Variants in NDUFAF7 observed in about 807,000 individuals in gnomAD.
NDUFAF7 encodes the protein protein arginine methyltransferase NDUFAF7, mitochondrial.
In NDUFAF7, 48 loss-of-function variants were observed where a neutral mutation model predicts 47.2. The ratio of observed to expected loss-of-function variants is 1.02; its 90% CI spans 0.81 to 1.29. The LOEUF (loss-of-function observed/expected upper bound fraction) is 1.29, where lower values mean the gene tolerates loss of function less well. NDUFAF7 is among the 50% of genes most tolerant of loss of function. The pLI, the probability that NDUFAF7 is intolerant of heterozygous loss-of-function variation, is 0.00. For synonymous variants in NDUFAF7, 217 were observed against 190.0 expected, an observed-to-expected ratio of 1.14 and a Z score of -1.17; for missense variants, 635 against 537.6, an observed-to-expected ratio of 1.18 and a Z score of -1.79.
chr2:37,243,485 T>C lies in NDUFAF7; in HGVS notation c.682-378T>C, dbSNP rs191995559. ...AATAATAAAACTTTTCTTCATTCTT[T>C]CTGTGAGGAGATTTAAGATTTGGTG... On this transcript the variant is annotated intron_variant, in intron 6 of 9. Transcript: ENST00000002125. Among the ~76,000 whole-genome samples the C allele has an allele frequency of 2.5e-3, 378 of 152,268 alleles. 2 individuals are homozygous for C. Among genetic ancestry groups the C allele is most frequent in the Non-Finnish European group, 3.7e-3 (254 of 67,998 alleles).
the NDUFAF7 span, among the ~76,000 whole-genome samples, chr2:37,266,300 G>T: frequency 6.6e-6 from 1 of 152,148 alleles, no homozygotes; most frequent in Non-Finnish European, 1.5e-5. Context: ...TTCACCCAAA[G>T]CAAATGGGGC....
At chr2:37,250,001 G>A (rs1218682487), downstream of NDUFAF7, among the ~76,000 whole-genome samples, 3 of 150,174 alleles carry the variant, frequency 2.0e-5, no homozygotes, top group Non-Finnish European at 4.4e-5. Flanking sequence ...ACACAAATAT[G>A]TAAGCTTTCT....
At chr2:37,235,470 G>A (rs1050503281) in intron 2 of NDUFAF7, among the ~76,000 whole-genome samples, 1 of 152,066 alleles carries the variant, frequency 6.6e-6, no homozygotes, top group African/African-American at 2.4e-5. Context: ...AGTAGGCAGG[G>A]TCTTGCTGTG....
At chr2:37,251,403 C>T (rs1391882169), downstream of NDUFAF7, 2 of 152,470 alleles carry the variant, frequency 1.3e-5, no homozygotes, top group African/African-American at 4.8e-5. Flanking sequence ...GTTAATCTCC[C>T]CTTGCCTCAG....
chr2:37,262,652 A>AG, the NDUFAF7 span, among the ~76,000 whole-genome samples: 1 of 151,006 alleles, frequency 6.6e-6, no homozygotes, highest in African/African-American at 2.5e-5. Context: ...CTGTTTTGCT[A>AG]GGCCATAGTT....
At chr2:37,238,449 C>CAA (rs1297220665) in intron 4 of NDUFAF7, among the ~76,000 whole-genome samples, 2 of 126,630 alleles carry the variant, frequency 1.6e-5, no homozygotes. Context: ...GACTCCGTCT[C>CAA]AAAAAAAAAA....
downstream of NDUFAF7, chr2:37,251,625 T>C (rs1026790540): frequency 6.6e-6 from 1 of 152,284 alleles, no homozygotes; most frequent in Non-Finnish European, 1.5e-5. Flanking sequence ...TCTTTTTTTT[T>C]TTTGCTACCT....
At chr2:37,264,441 G>A in the NDUFAF7 span, among the ~76,000 whole-genome samples, 2 of 139,770 alleles carry the variant, frequency 1.4e-5, no homozygotes, top group African/African-American at 5.4e-5. Flanking sequence ...ACAGACAATG[G>A]GAAATAAAAT....
Position 37,232,110 on chromosome 2 carries a change from T to G in NDUFAF7, c.60T>G (p.Ile20Met). 6.2e-7 allele frequency: 1 copy of G among 1,614,212 alleles called. No individual in the cohort carries two copies. Among genetic ancestry groups the G allele is most frequent in the Non-Finnish European group, 8.5e-7 (1 of 1,180,036 alleles). Residue 20 changes from isoleucine (I) to methionine (M), a missense_variant, in exon 2 of 10, where the codon ATT (isoleucine) becomes ATG (methionine). Coordinates refer to ENST00000002125, the MANE Select transcript of NDUFAF7 (RefSeq NM_144736.5). ...GPLCAVARAA[I>M]PFIWRGKYFS... is the part of the protein sequence containing the mutation. ...TTTAATTTGTGTTTTTCGCAGCCAT[T>G]CCTTTTATTTGGAGAGGGAAATACT...
the NDUFAF7 span, among the ~76,000 whole-genome samples, chr2:37,266,487 G>A: frequency 6.8e-6 from 1 of 146,886 alleles, no homozygotes; most frequent in African/African-American, 2.5e-5. Flanking sequence ...CACCACACCC[G>A]GCTTTTTTTT....
chr2:37,236,212 T>G (rs1338248595), intron 3 of NDUFAF7, 36 bp downstream of exon 3: 1 of 1,487,328 alleles, frequency 6.7e-7, no homozygotes, highest in Admixed American at 1.7e-5. Flanking sequence ...GAAGCTAATA[T>G]AAACATTTGA....
Position 37,243,743 on chromosome 2 carries a change from TAGTA to T in NDUFAF7, c.682-116_682-113del, listed in dbSNP as rs1666610105. ...AGTAATGAATTTAAGTAATTTTAAATAGTAAGTTCTCTGTAAATGTTAGTTACTT... is the reference window on the plus strand; with the variant it reads ...AGTAATGAATTTAAGTAATTTTAAATAGTTCTCTGTAAATGTTAGTTACTT... On this transcript the variant is annotated intron_variant, in intron 6 of 9. Coordinates refer to ENST00000002125, the MANE Select transcript of NDUFAF7 (RefSeq NM_144736.5). The T allele has an allele frequency of 5.5e-6, 4 of 730,796 alleles. No individual in the cohort carries two copies. In the East Asian group the frequency reaches 8.1e-5, roughly 15 times the overall value. The allele number at this position is 730,796 out of a possible 1,614,324, so 45.3% of individuals were successfully genotyped here. A position where few individuals can be genotyped will look rare whatever the true frequency, so the allele number is the denominator to read the frequency against.
the NDUFAF7 span, chr2:37,267,457 T>G: frequency 6.2e-7 from 1 of 1,608,234 alleles, no homozygotes; most frequent in Non-Finnish European, 8.5e-7. Flanking sequence ...CATTACGGAG[T>G]TGACTTTCTT....
chr2:37,253,546 T>A, downstream of NDUFAF7: 1 of 486,000 alleles, frequency 2.1e-6, no homozygotes, highest in Non-Finnish European at 3.5e-6. Context: ...TTTTTCAAAC[T>A]CAGAGTCTCC....
At position 37,241,795 on chromosome 2, in the gene NDUFAF7, A is replaced by G. The variant is rs919202519; in HGVS notation, c.622+4A>G. 2 of 1,611,842 alleles carry G rather than the reference A, an allele frequency of 1.2e-6. No individual in the cohort carries two copies. Among genetic ancestry groups the G allele is most frequent in the East Asian group, 2.2e-5 (1 of 44,856 alleles). ...GATCTGCACGATGTTCCAAAAGGTAATTACCTTTATGTGGATTAATGAAAG... is the reference window on the plus strand; with the variant it reads ...GATCTGCACGATGTTCCAAAAGGTAGTTACCTTTATGTGGATTAATGAAAG... On this transcript the variant is annotated splice_donor_region_variant and intron_variant, in intron 5 of 9. Transcript: ENST00000002125.
intron 2 of NDUFAF7, among the ~76,000 whole-genome samples, 153 bp from the exon 3 acceptor site, chr2:37,235,943 C>T (rs1665707562): frequency 6.6e-6 from 1 of 152,108 alleles, no homozygotes; most frequent in Non-Finnish European, 1.5e-5. Context: ...CAGGCATGAG[C>T]CACCACACCT....
the NDUFAF7 span, among the ~76,000 whole-genome samples, chr2:37,266,854 A>G: frequency 6.6e-6 from 1 of 152,208 alleles, no homozygotes; most frequent in South Asian, 2.1e-4. Context: ...GTACATTTGC[A>G]TATTATAAAT....
At chr2:37,255,155 C>T (rs996006544), downstream of NDUFAF7, among the ~76,000 whole-genome samples, 1 of 152,200 alleles carries the variant, frequency 6.6e-6, no homozygotes, top group Non-Finnish European at 1.5e-5. Flanking sequence ...TCTGAGATAA[C>T]ACTGGTTAAC....
intron 9 of NDUFAF7, 137 bp from the exon 10 acceptor site, chr2:37,247,996 CTA>C (rs1246991374): frequency 7.9e-6 from 6 of 757,768 alleles, no homozygotes; most frequent in East Asian, 2.7e-5. Flanking sequence ...AATAAGTACT[CTA>C]TGATTCTCAG....
Sources: gnomAD v4.1 joint callset for allele counts (sites outside exome capture counted in the v4.1 genomes callset) on GRCh38, gnomAD v4.1.1 for gene constraint, MANE v1.5 for transcripts, NCBI Gene and HGNC (gene_info 2026-07-23, HGNC 2026-07-21) for gene names.